Variants in MXI1 observed in about 807,000 individuals in gnomAD.
MXI1 encodes MAX interactor 1, dimerization protein, also known as max-interacting protein 1.
MXI1 carries 18 observed loss-of-function variants against 36.9 expected under a neutral mutation model. That is an observed-to-expected ratio of 0.49 (90% CI 0.34 to 0.72). The LOEUF is 0.72. Ranked by LOEUF, MXI1 falls within the 30% of genes least tolerant of loss-of-function variation. The probability of loss-of-function intolerance (pLI) is 0.01; values close to 1 mark genes in which losing one functional copy is unlikely to be tolerated. For missense variants in MXI1, 304 were observed against 379.1 expected, an observed-to-expected ratio of 0.80 and a Z score of 1.64; for synonymous variants, 160 against 146.7, an observed-to-expected ratio of 1.09 and a Z score of -0.65.
intron 2 of MXI1, among the ~76,000 whole-genome samples, chr10:110,240,429 T>G (rs1427753518): frequency 1.3e-5 from 2 of 152,086 alleles, no homozygotes; most frequent in African/African-American, 4.8e-5. Context: ...GTAATTGTTT[T>G]GTCATTGTTA....
rs560729035 is a variant in MXI1 at position 110,270,938 on chromosome 10, A to T, written c.438-8242A>T. On this transcript the variant is annotated intron_variant, in intron 3 of 5. Transcript: ENST00000332674. Reference sequence around the variant, plus strand: ...AACCCCGTCTCTAGTAAAATAAAATAAAAAAAAATTAGGCTTGGTGGCACA... The same window carrying T: ...AACCCCGTCTCTAGTAAAATAAAATTAAAAAAAATTAGGCTTGGTGGCACA... Among the ~76,000 whole-genome samples the T allele has an allele frequency of 7.2e-5, 11 of 151,768 alleles. No homozygotes were observed. The East Asian group carries it at 1.2e-3, about 16-fold the overall frequency.
intron 2 of MXI1, among the ~76,000 whole-genome samples, chr10:110,231,636 A>G (rs1855266696): frequency 6.6e-6 from 1 of 152,152 alleles, no homozygotes; most frequent in Non-Finnish European, 1.5e-5. Context: ...TCTTGGTCAC[A>G]GCCTTCTGGC....
At chr10:110,256,704 C>A (rs752375923) in intron 3 of MXI1, among the ~76,000 whole-genome samples, 1 of 149,878 alleles carries the variant, frequency 6.7e-6, no homozygotes, top group Non-Finnish European at 1.5e-5. Context: ...CTATAAGATA[C>A]CACTTCACAG....
At chr10:110,245,822 A>G (rs955867039) in intron 3 of MXI1, 4 of 152,218 alleles carry the variant, frequency 2.6e-5, no homozygotes, top group African/African-American at 9.6e-5. Flanking sequence ...AATCTAGGTA[A>G]GAGATGATGG....
intron 1 of MXI1, among the ~76,000 whole-genome samples, chr10:110,216,641 C>T (rs1854641964): frequency 7.1e-6 from 1 of 140,562 alleles, no homozygotes; most frequent in Non-Finnish European, 1.5e-5. Context: ...CTTTCCCTCC[C>T]TGTCTCCCCT....
At chr10:110,267,536 T>C (rs1856716078) in intron 3 of MXI1, among the ~76,000 whole-genome samples, 2 of 152,232 alleles carry the variant, frequency 1.3e-5, no homozygotes, top group Admixed American at 6.5e-5. Flanking sequence ...TTCACAATTA[T>C]TCCTTTACAG....
intron 3 of MXI1, among the ~76,000 whole-genome samples, chr10:110,268,056 G>T (rs1590394552): frequency 6.6e-6 from 1 of 152,182 alleles, no homozygotes; most frequent in Admixed American, 6.5e-5. Context: ...TCTTTAGTTG[G>T]AGTAGTGGTC....
At chr10:110,277,703 T>C (rs1014758762) in intron 3 of MXI1, among the ~76,000 whole-genome samples, 19 of 152,284 alleles carry the variant, frequency 1.2e-4, no homozygotes, top group African/African-American at 4.6e-4. Flanking sequence ...AGACCTGAGG[T>C]ACTGAACTCA....
chr10:110,274,629 A>G (rs765318500), intron 3 of MXI1, among the ~76,000 whole-genome samples: 2 of 152,206 alleles, frequency 1.3e-5, no homozygotes, highest in Non-Finnish European at 2.9e-5. Context: ...ATCAGTTTCC[A>G]TTAAGTCTAG....
chr10:110,273,753 T>G (rs961252088), intron 3 of MXI1, among the ~76,000 whole-genome samples: 2 of 152,226 alleles, frequency 1.3e-5, no homozygotes, highest in Non-Finnish European at 2.9e-5. Context: ...CTTGACTTGC[T>G]TTCCATTTTG....
intron 3 of MXI1, among the ~76,000 whole-genome samples, chr10:110,252,225 GTTATC>G (rs895602210): frequency 1.3e-5 from 2 of 152,116 alleles, no homozygotes; most frequent in Non-Finnish European, 2.9e-5. Flanking sequence ...AGCTGCAAAA[GTTATC>G]TTCTCTTAGT....
chr10:110,245,307 A>G (rs1345454006), intron 3 of MXI1, among the ~76,000 whole-genome samples: 2 of 152,320 alleles, frequency 1.3e-5, no homozygotes, highest in Non-Finnish European at 2.9e-5. Context: ...TGTCAGTGCC[A>G]GGCAGGCAGA....
At chr10:110,238,347 A>G (rs140030019) in intron 2 of MXI1, among the ~76,000 whole-genome samples, 126 of 152,198 alleles carry the variant, frequency 8.3e-4, no homozygotes, top group African/African-American at 2.9e-3. Context: ...TAGTCCGAAG[A>G]CCCACTATGA....
chr10:110,242,922 G>T (rs997820980), intron 2 of MXI1, among the ~76,000 whole-genome samples: 8 of 151,848 alleles, frequency 5.3e-5, no homozygotes, highest in African/African-American at 1.9e-4. Context: ...TTTTATATGT[G>T]CATTGTCTTT....
intron 3 of MXI1, 26 bp from the exon 4 acceptor site, chr10:110,279,154 C>G: frequency 6.6e-7 from 1 of 1,525,146 alleles, no homozygotes; most frequent in Non-Finnish European, 9.1e-7. Flanking sequence ...CCAGACTGTG[C>G]TGATTTGACT....
chr10:110,266,430 G>A (rs1435811330), intron 3 of MXI1, among the ~76,000 whole-genome samples: 4 of 152,050 alleles, frequency 2.6e-5, no homozygotes, highest in African/African-American at 9.7e-5. Flanking sequence ...ATTTTTAATG[G>A]CTGTGTTTTC....
At chr10:110,246,101 C>A (rs1008645657) in intron 3 of MXI1, among the ~76,000 whole-genome samples, 1 of 151,968 alleles carries the variant, frequency 6.6e-6, no homozygotes, top group African/African-American at 2.4e-5. Context: ...GTGGGAGGAT[C>A]GCTTGAAGCA....
intron 1 of MXI1, among the ~76,000 whole-genome samples, chr10:110,220,032 C>T (rs1854760383): frequency 6.6e-6 from 1 of 152,240 alleles, no homozygotes; most frequent in Non-Finnish European, 1.5e-5. Context: ...TCTACCGCCT[C>T]CTAGTGTGAT....
intron 3 of MXI1, among the ~76,000 whole-genome samples, chr10:110,249,504 G>C (rs937581860): frequency 1.3e-5 from 2 of 151,566 alleles, no homozygotes; most frequent in African/African-American, 4.9e-5. Context: ...GCTTGAACCT[G>C]GGAGGTAGAG....
Sources: allele counts gnomAD v4.1 joint callset (sites outside exome capture counted in the v4.1 genomes callset), GRCh38; gene constraint gnomAD v4.1.1; transcripts MANE v1.5; gene names NCBI Gene and HGNC (gene_info 2026-07-23, HGNC 2026-07-21).